NCKAP5: variants seen among roughly 807,000 people sequenced by gnomAD.
NCKAP5 encodes the protein NCK associated protein 5, also known as nck-associated protein 5.
Under a neutral mutation model 167.0 loss-of-function variants are expected in NCKAP5, and 92 were observed. The observed-to-expected ratio is 0.55, with a 90% CI of 0.47 to 0.66. The LOEUF (loss-of-function observed/expected upper bound fraction) is 0.66. Among genes scored for constraint, NCKAP5 ranks in the 30% least tolerant of loss-of-function variants. NCKAP5 has a pLI of 0.00. For missense variants in NCKAP5, 2,378 were observed against 2,315.0 expected (o/e 1.03, Z -0.56); for synonymous variants, 891 against 877.4 (o/e 1.02, Z -0.27).
intron 6 of NCKAP5, among the ~76,000 whole-genome samples, chr2:133,071,931 T>C (rs757956483): frequency 6.6e-5 from 10 of 152,140 alleles, no homozygotes; most frequent in Non-Finnish European, 1.2e-4. Context: ...GTGTATTGAG[T>C]GTATTAAATG....
intron 3 of NCKAP5, among the ~76,000 whole-genome samples, chr2:133,458,783 G>A (rs1371404546): frequency 1.2e-4 from 19 of 152,100 alleles, no homozygotes; most frequent in Admixed American, 7.9e-4. Flanking sequence ...AAGGACTCTC[G>A]GGGTTTAGGA....
At chr2:133,671,849 C>A in the NCKAP5 span, among the ~76,000 whole-genome samples, 1 of 152,170 alleles carries the variant, frequency 6.6e-6, no homozygotes, top group Non-Finnish European at 1.5e-5. Flanking sequence ...ATGCCCTGTG[C>A]ATTACTCTCA....
At chr2:133,440,321 T>A (rs2151159789) in intron 3 of NCKAP5, among the ~76,000 whole-genome samples, 1 of 152,248 alleles carries the variant, frequency 6.6e-6, no homozygotes, top group East Asian at 1.9e-4. Flanking sequence ...GTACATGCAC[T>A]GTGATGATAT....
intron 19 of NCKAP5, among the ~76,000 whole-genome samples, chr2:132,706,041 AACAT>A (rs1485640549): frequency 2.6e-5 from 4 of 152,188 alleles, no homozygotes; most frequent in Admixed American, 2.6e-4. Context: ...ATATAAATAC[AACAT>A]ACATATATAT....
chr2:132,764,074 G>C (rs1038831435), intron 16 of NCKAP5, among the ~76,000 whole-genome samples: 1 of 152,102 alleles, frequency 6.6e-6, no homozygotes, highest in African/African-American at 2.4e-5. Flanking sequence ...AAAAAACAGA[G>C]GAAAGGAGTC....
chr2:133,369,337 G>A (rs1406971132), intron 3 of NCKAP5, among the ~76,000 whole-genome samples: 1 of 152,204 alleles, frequency 6.6e-6, no homozygotes, highest in African/African-American at 2.4e-5. Flanking sequence ...AGACATGGAA[G>A]CAGAAGGCTG....
chr2:133,336,979 T>A (rs572830859), intron 3 of NCKAP5, among the ~76,000 whole-genome samples: 2 of 152,242 alleles, frequency 1.3e-5, no homozygotes, highest in East Asian at 3.9e-4. Context: ...GAGACATAAG[T>A]GACATTTTTA....
intron 6 of NCKAP5, among the ~76,000 whole-genome samples, chr2:133,113,713 A>G (rs2081987506): frequency 6.6e-6 from 1 of 152,188 alleles, no homozygotes; most frequent in South Asian, 2.1e-4. Flanking sequence ...GTGCGCACCC[A>G]AGATCCAAAA....
chr2:132,964,188 C>T (rs1177943786), intron 7 of NCKAP5, among the ~76,000 whole-genome samples: 1 of 152,182 alleles, frequency 6.6e-6, no homozygotes, highest in Non-Finnish European at 1.5e-5. Flanking sequence ...CTCAGCTATA[C>T]TGCAAACTGT....
intron 6 of NCKAP5, among the ~76,000 whole-genome samples, chr2:133,002,006 A>G (rs1467520585): frequency 6.6e-6 from 1 of 152,242 alleles, no homozygotes; most frequent in African/African-American, 2.4e-5. Context: ...TGATGTGTGT[A>G]GATTATATGA....
intron 8 of NCKAP5, among the ~76,000 whole-genome samples, chr2:132,883,237 C>CACACACACACA (rs56707659): frequency 1.3e-5 from 2 of 148,506 alleles, no homozygotes; most frequent in Non-Finnish European, 3.0e-5. Context: ...CACACACACA[C>CACACACACACA]GACACCCACC....
rs186714089 is a variant in NCKAP5 at position 132,711,493 on chromosome 2, T to G, written c.5713+14134A>C. 3.2e-3 allele frequency among the ~76,000 whole-genome samples: 486 copies of G among 152,350 alleles called. 1 individual carries two copies. The highest frequency in any genetic ancestry group is 0.02 in the Middle Eastern group (6 of 294). ...AGAAAGGCTCAGTGATCCAACATTA[T>G]AGAAATTAATTCAAGTTTCTTTGAC... On this transcript the variant is annotated intron_variant, in intron 19 of 19. Coordinates refer to ENST00000409261, the MANE Select transcript of NCKAP5 (RefSeq NM_207363.3).
chr2:133,003,297 T>C (rs1295312580), intron 6 of NCKAP5, among the ~76,000 whole-genome samples: 1 of 152,218 alleles, frequency 6.6e-6, no homozygotes, highest in Non-Finnish European at 1.5e-5. Flanking sequence ...TTCCATTGCC[T>C]TCCTCAACAA....
At chr2:133,344,350 G>A (rs1197201795) in intron 3 of NCKAP5, among the ~76,000 whole-genome samples, 1 of 150,780 alleles carries the variant, frequency 6.6e-6, no homozygotes, top group African/African-American at 2.4e-5. Context: ...AGAAGTTGTA[G>A]TGAGCTGAGA....
chr2:132,849,922 C>T (rs1321108893), intron 11 of NCKAP5, among the ~76,000 whole-genome samples: 2 of 152,094 alleles, frequency 1.3e-5, no homozygotes, highest in African/African-American at 2.4e-5. Context: ...ACCCCCATGG[C>T]GTAGTAGAAA....
At chr2:133,448,888 C>T (rs1374280881) in intron 3 of NCKAP5, among the ~76,000 whole-genome samples, 4 of 152,178 alleles carry the variant, frequency 2.6e-5, no homozygotes, top group Admixed American at 6.5e-5. Context: ...GAGCCACCCA[C>T]CTTATATGCT....
chr2:132,703,689 GTCATTCAT>G (rs748303514), intron 19 of NCKAP5, among the ~76,000 whole-genome samples: 3 of 152,050 alleles, frequency 2.0e-5, no homozygotes, highest in Non-Finnish European at 2.9e-5. Context: ...TACTGACTGG[GTCATTCAT>G]TCATTCATTC....
chr2:132,747,512 G>T (rs1291977888), intron 16 of NCKAP5, among the ~76,000 whole-genome samples: 1 of 113,674 alleles, frequency 8.8e-6, no homozygotes, highest in African/African-American at 3.4e-5. Flanking sequence ...GTGCCGGCCT[G>T]ACTCTGAAGC....
chr2:133,403,027 T>C (rs1168892569), intron 3 of NCKAP5, among the ~76,000 whole-genome samples: 1 of 152,172 alleles, frequency 6.6e-6, no homozygotes, highest in East Asian at 1.9e-4. Flanking sequence ...TATGTCCCAA[T>C]GAAGAAAGAT....
Sources: allele counts gnomAD v4.1 joint callset (sites outside exome capture counted in the v4.1 genomes callset), GRCh38; gene constraint gnomAD v4.1.1; transcripts MANE v1.5; gene names NCBI Gene and HGNC (gene_info 2026-07-23, HGNC 2026-07-21).